The following PSMB7 variants were observed in gnomAD, a reference collection of about 807,000 sequenced individuals.
PSMB7 encodes proteasome 20S subunit beta 7, also known as proteasome subunit beta type-7.
A neutral mutation model predicts 28.1 loss-of-function variants in PSMB7; 5 were observed. The ratio of observed to expected loss-of-function variants is 0.18; its 90% confidence interval spans 0.09 to 0.37. The LOEUF (loss-of-function observed/expected upper bound fraction) is 0.37. Ranked by LOEUF, PSMB7 falls within the 10% of genes least tolerant of loss-of-function variation. The pLI, the probability that PSMB7 is intolerant of heterozygous loss-of-function variation, is 1.00. For missense variants in PSMB7, 275 were observed against 346.2 expected, an observed-to-expected ratio of 0.79 and a Z score of 1.63; for synonymous variants, 122 against 123.7, an observed-to-expected ratio of 0.99 and a Z score of 0.09.
chr9:124,353,750 T>G, intron 7 of PSMB7, 41 bp from the exon 8 acceptor site: 3 of 1,439,044 alleles, frequency 2.1e-6, no homozygotes, highest in Non-Finnish European at 2.9e-6. Flanking sequence ...AGGATTCTCC[T>G]CAAGGTGCCA....
chr9:124,369,556 G>A (rs977485683), intron 6 of PSMB7, among the ~76,000 whole-genome samples: 4 of 152,090 alleles, frequency 2.6e-5, no homozygotes, highest in Admixed American at 6.5e-5. Flanking sequence ...GCTAAGCTCC[G>A]GCCTTATCTC....
intron 5 of PSMB7, among the ~76,000 whole-genome samples, chr9:124,404,535 CA>C (rs897785388): frequency 1.3e-5 from 2 of 152,028 alleles, no homozygotes; most frequent in Non-Finnish European, 2.9e-5. Flanking sequence ...ATCCCTAATC[CA>C]AAAATCCAGA....
chr9:124,409,664 C>T (rs1267242998), intron 4 of PSMB7, among the ~76,000 whole-genome samples: 3 of 152,222 alleles, frequency 2.0e-5, no homozygotes, highest in Non-Finnish European at 4.4e-5. Flanking sequence ...ACGCAGTAGG[C>T]TCTGTAGTAT....
chr9:124,402,598 A>C (rs1026896850), intron 5 of PSMB7, among the ~76,000 whole-genome samples: 3 of 152,240 alleles, frequency 2.0e-5, no homozygotes, highest in Non-Finnish European at 4.4e-5. Context: ...TGTGAGAGGC[A>C]GAACACATGT....
intron 6 of PSMB7, among the ~76,000 whole-genome samples, chr9:124,371,690 C>T (rs532480250): frequency 2.0e-5 from 3 of 152,290 alleles, no homozygotes; most frequent in South Asian, 4.1e-4. Flanking sequence ...AAAGGCAATT[C>T]AATTTGAAGA....
intron 7 of PSMB7, among the ~76,000 whole-genome samples, chr9:124,354,722 A>G (rs1193682629): frequency 6.6e-6 from 1 of 151,972 alleles, no homozygotes; most frequent in East Asian, 1.9e-4. Flanking sequence ...ATGTGTCCCC[A>G]CCCCATCAGT....
chr9:124,368,349 A>C (rs1250763175), intron 6 of PSMB7, among the ~76,000 whole-genome samples: 1 of 152,196 alleles, frequency 6.6e-6, no homozygotes, highest in Non-Finnish European at 1.5e-5. Flanking sequence ...TTTACCTCTA[A>C]AATTATTTCA....
intron 5 of PSMB7, among the ~76,000 whole-genome samples, chr9:124,398,723 A>G (rs1380429453): frequency 6.6e-6 from 1 of 152,176 alleles, no homozygotes; most frequent in Non-Finnish European, 1.5e-5. Context: ...AGCTAAGTGA[A>G]ATCACATCTG....
intron 4 of PSMB7, among the ~76,000 whole-genome samples, chr9:124,409,866 T>A (rs1307945255): frequency 6.6e-6 from 1 of 152,202 alleles, no homozygotes; most frequent in Non-Finnish European, 1.5e-5. Context: ...TTTATGTAAC[T>A]CACCAAAAAT....
At position 124,385,959 on chromosome 9, in the gene PSMB7, T is replaced by G. The variant is rs549352500; in HGVS notation, c.512-1303A>C. ...ATGAACATGGTAATCCCGATGAATA[T>G]GACAGATACTCCTGTTAGGGAATAT... On this transcript the variant is annotated intron_variant, in intron 5 of 7. Coordinates refer to ENST00000259457, the MANE Select transcript of PSMB7 (RefSeq NM_002799.4). 2.9e-4 allele frequency among the ~76,000 whole-genome samples: 44 copies of G among 152,286 alleles called. No homozygotes were observed. The South Asian group carries it at 3.7e-3, about 13-fold the overall frequency.
chr9:124,390,352 C>G (rs1830771847), intron 5 of PSMB7, among the ~76,000 whole-genome samples: 1 of 151,868 alleles, frequency 6.6e-6, no homozygotes, highest in Non-Finnish European at 1.5e-5. Context: ...GGGACTTATT[C>G]TAAAGAAACA....
chr9:124,406,524 T>C (rs1222133361), intron 4 of PSMB7, among the ~76,000 whole-genome samples: 1 of 138,966 alleles, frequency 7.2e-6, no homozygotes, highest in Non-Finnish European at 1.6e-5. Flanking sequence ...AAAAAAAGTA[T>C]CAACCTCACC....
At chr9:124,368,738 C>G (rs1830532464) in intron 6 of PSMB7, among the ~76,000 whole-genome samples, 1 of 152,220 alleles carries the variant, frequency 6.6e-6, no homozygotes, top group Admixed American at 6.5e-5. Context: ...AAGAGGTAGT[C>G]AGAGACTCAG....
chr9:124,414,817 C>G (rs1564688762), intron 2 of PSMB7, 25 bp downstream of exon 2: 2 of 1,596,152 alleles, frequency 1.3e-6, no homozygotes, highest in African/African-American at 2.7e-5. Context: ...TCAGTCACTG[C>G]TGCTCTTAGC....
intron 5 of PSMB7, among the ~76,000 whole-genome samples, chr9:124,400,190 G>A (rs1830886402): frequency 6.6e-6 from 1 of 152,154 alleles, no homozygotes; most frequent in African/African-American, 2.4e-5. Flanking sequence ...GTGCACCACA[G>A]GCCTGAGGTC....
intron 5 of PSMB7, among the ~76,000 whole-genome samples, chr9:124,397,041 G>A (rs552188197): frequency 5.8e-4 from 89 of 152,238 alleles, no homozygotes; most frequent in Non-Finnish European, 1.0e-4. Context: ...AAATGAAACC[G>A]ACGGGATCCT....
chr9:124,371,832 A>G (rs1284036613), intron 6 of PSMB7, among the ~76,000 whole-genome samples: 4 of 152,220 alleles, frequency 2.6e-5, no homozygotes, highest in Admixed American at 2.6e-4. Context: ...CTCTGAATCT[A>G]GCTCTCACCT....
rs918977484 is a variant in PSMB7, at chr9:124,405,180, G to A, written c.511+137C>T. On this transcript the variant is annotated intron_variant, in intron 5 of 7. Coordinates refer to ENST00000259457, the MANE Select transcript of PSMB7 (RefSeq NM_002799.4). ...TAGAACACGGCCTAATCTATAGTAG[G>A]AACTCAGTATATATTTGCTGAATGA... 8.2e-6 allele frequency: 5 copies of A among 607,670 alleles called. No homozygotes were observed. The African/African-American group carries it at 9.3e-5, about 11-fold the overall frequency. 37.6% of individuals were successfully genotyped at this position (607,670 alleles called of 1,614,324 possible). A position where few individuals can be genotyped will look rare whatever the true frequency, so the allele number is the denominator to read the frequency against.
chr9:124,359,532 TAAAC>T (rs1473719687), intron 6 of PSMB7, among the ~76,000 whole-genome samples: 2 of 152,058 alleles, frequency 1.3e-5, no homozygotes, highest in African/African-American at 4.8e-5. Context: ...ACACAGCAGG[TAAAC>T]AAAAAATAGT....
Sources: allele counts gnomAD v4.1 joint callset (sites outside exome capture counted in the v4.1 genomes callset), GRCh38; gene constraint gnomAD v4.1.1; transcripts MANE v1.5; gene names NCBI Gene and HGNC (gene_info 2026-07-23, HGNC 2026-07-21).